TENM3: variants seen among roughly 807,000 people sequenced by gnomAD.
TENM3 encodes teneurin-3.
A neutral mutation model predicts 255.1 loss-of-function variants in TENM3; 63 were observed. That is an observed-to-expected ratio of 0.25 (90% CI 0.20 to 0.30). TENM3 has a LOEUF of 0.30. Ranked by LOEUF, TENM3 falls within the 10% of genes least tolerant of loss-of-function variation. The probability of loss-of-function intolerance (pLI) is 1.00; values close to 1 mark genes in which losing one functional copy is unlikely to be tolerated. For synonymous variants in TENM3, 1,306 were observed against 1,322.3 expected (o/e 0.99, Z 0.27); for missense variants, 2,929 against 3,461.1 (o/e 0.85, Z 3.86).
chr4:182,262,696 G>A (rs1160582118), intron 1 of TENM3, among the ~76,000 whole-genome samples: 1 of 151,204 alleles, frequency 6.6e-6, no homozygotes, highest in African/African-American at 2.4e-5. Context: ...CCATGGAGTA[G>A]CCATTCTTTT....
At chr4:181,605,239 A>G in the TENM3 span, among the ~76,000 whole-genome samples, 1 of 151,806 alleles carries the variant, frequency 6.6e-6, no homozygotes, top group East Asian at 2.0e-4. Context: ...AGGTTAGGAG[A>G]TAGTGACCAT....
intron 1 of TENM3, among the ~76,000 whole-genome samples, chr4:182,274,647 G>A (rs1487235256): frequency 2.0e-5 from 3 of 152,102 alleles, no homozygotes; most frequent in Non-Finnish European, 4.4e-5. Flanking sequence ...GTAAATAAGT[G>A]CAGATACGTA....
intron 1 of TENM3, among the ~76,000 whole-genome samples, chr4:182,244,717 T>TA (rs1204023033): frequency 6.6e-6 from 1 of 152,216 alleles, no homozygotes; most frequent in Non-Finnish European, 1.5e-5. Context: ...TCATGATGTG[T>TA]AACATATGGA....
the TENM3 span, among the ~76,000 whole-genome samples, chr4:182,094,697 A>T: frequency 1.3e-5 from 2 of 152,240 alleles, no homozygotes; most frequent in South Asian, 2.1e-4. Context: ...CACTAGAAAG[A>T]TGTGTCCTCG....
chr4:182,288,060 C>T (rs1281702593), intron 1 of TENM3, among the ~76,000 whole-genome samples: 1 of 152,126 alleles, frequency 6.6e-6, no homozygotes, highest in African/African-American at 2.4e-5. Flanking sequence ...GCCTCAGCCT[C>T]CTGAGTAGCT....
intron 7 of TENM3, among the ~76,000 whole-genome samples, chr4:182,678,559 C>A (rs1463375988): frequency 6.6e-6 from 1 of 152,166 alleles, no homozygotes; most frequent in Non-Finnish European, 1.5e-5. Context: ...GGAGGAATGA[C>A]CCCACTTGGA....
chr4:182,150,950 A>G (rs1356340351), intron 1 of TENM3, among the ~76,000 whole-genome samples: 1 of 152,108 alleles, frequency 6.6e-6, no homozygotes, highest in Non-Finnish European at 1.5e-5. Flanking sequence ...TCCCCCAAAC[A>G]GAAAAGCTAC....
At chr4:182,262,869 A>T (rs567983025) in intron 1 of TENM3, among the ~76,000 whole-genome samples, 25 of 150,776 alleles carry the variant, frequency 1.7e-4, no homozygotes, top group Non-Finnish European at 3.0e-4. Flanking sequence ...ACCCACCACC[A>T]CGCCCGGCTA....
Position 182,793,017 on chromosome 4 carries a change from A to G in TENM3, c.6345A>G (p.Arg2115=), listed in dbSNP as rs1351592514. The G allele has an allele frequency of 1.9e-6, 3 of 1,613,952 alleles. No individual in the cohort carries two copies. The Admixed American group carries it at 5.0e-5, about 27-fold the overall frequency. ...QYDNMGRVTK[R]EIKIGPFANT... ...ATAACATGGGTCGGGTAACCAAGAGAGAGATTAAAATAGGGCCCTTTGCCA... is the reference window on the plus strand; with the variant it reads ...ATAACATGGGTCGGGTAACCAAGAGGGAGATTAAAATAGGGCCCTTTGCCA... The change falls in exon 26 of 28, where the codon AGA becomes AGG. Residue 2115 remains arginine (R), a synonymous_variant. Coordinates refer to ENST00000511685, the MANE Select transcript of TENM3 (RefSeq NM_001080477.4). The surrounding 1 kb of genome is among the most constrained non-coding windows in gnomAD (Gnocchi z 5.7).
the TENM3 span, among the ~76,000 whole-genome samples, chr4:181,605,488 A>C: frequency 0.012 from 97 of 8,130 alleles, 3 homozygotes; most frequent in African/African-American, 0.029. Flanking sequence ...CAGAGAAAGA[A>C]AGAAAGAAAG....
chr4:181,816,966 G>C, the TENM3 span, among the ~76,000 whole-genome samples: 1 of 152,134 alleles, frequency 6.6e-6, no homozygotes, highest in Admixed American at 6.6e-5. Context: ...TCATTTTATA[G>C]ATAAGTAAAC....
intron 22 of TENM3, among the ~76,000 whole-genome samples, chr4:182,756,307 C>G (rs1199079044): frequency 1.3e-5 from 2 of 152,134 alleles, no homozygotes; most frequent in East Asian, 3.9e-4. Context: ...GCTCATTCAG[C>G]CAGGGTGTTC....
the TENM3 span, among the ~76,000 whole-genome samples, chr4:181,979,605 C>T: frequency 6.6e-6 from 1 of 152,106 alleles, no homozygotes; most frequent in Non-Finnish European, 1.5e-5. Context: ...GGTGTGGGTT[C>T]AGGAGGGACC....
the TENM3 span, among the ~76,000 whole-genome samples, chr4:181,463,410 T>G: frequency 6.6e-6 from 1 of 152,204 alleles, no homozygotes; most frequent in Non-Finnish European, 1.5e-5. Flanking sequence ...GTATTTCCTA[T>G]TCCATCATAT....
intron 3 of TENM3, among the ~76,000 whole-genome samples, chr4:182,378,296 C>T (rs767003553): frequency 3.3e-5 from 5 of 152,230 alleles, no homozygotes; most frequent in Admixed American, 6.5e-5. Flanking sequence ...ACCAAACAGA[C>T]AGGTTCCCTG....
At chr4:182,079,993 G>A in the TENM3 span, 1 of 152,170 alleles carries the variant, frequency 6.6e-6, no homozygotes, top group Non-Finnish European at 1.5e-5. Flanking sequence ...GCCAATTATT[G>A]TACCCCTTTA....
Position 182,731,101 on chromosome 4 carries a change from T to C in TENM3, c.2929T>C (p.Ser977Pro), listed in dbSNP as rs377029829. The C allele has an allele frequency of 1.2e-4, 189 of 1,613,906 alleles. No homozygotes were observed. The highest frequency in any genetic ancestry group is 1.5e-4 in the Non-Finnish European group (181 of 1,179,862). ...ATCACCTTTATCCACCTTTTTCAGATCTTCTCCTGAAGACAGTCCCATCAT... is the reference window on the plus strand; with the variant it reads ...ATCACCTTTATCCACCTTTTTCAGACCTTCTCCTGAAGACAGTCCCATCAT... Reference protein sequence around the residue: ...VSSPLSTFFRSSPEDSPIIPE... With the variant: ...VSSPLSTFFRPSPEDSPIIPE... The change falls in exon 16 of 28, where the codon TCT becomes CCT. Residue 977 changes from serine to proline, a missense_variant. By Grantham distance (74) the Ser-to-Pro change is moderately conservative. Transcript: ENST00000511685.
At chr4:182,627,889 T>A (rs1289496666) in intron 4 of TENM3, among the ~76,000 whole-genome samples, 1 of 152,170 alleles carries the variant, frequency 6.6e-6, no homozygotes, top group African/African-American at 2.4e-5. Flanking sequence ...CTCTCTGTTG[T>A]ATGGCTCGGT....
chr4:182,124,596 T>C, the TENM3 span, among the ~76,000 whole-genome samples: 1 of 152,114 alleles, frequency 6.6e-6, no homozygotes, highest in Non-Finnish European at 1.5e-5. Flanking sequence ...TAAGAATCAG[T>C]GAAGGAGGCT....
Sources: allele counts gnomAD v4.1 joint callset (sites outside exome capture counted in the v4.1 genomes callset), GRCh38; gene constraint gnomAD v4.1.1; non-coding constraint Gnocchi (gnomAD v3.1); transcripts MANE v1.5; gene names NCBI Gene and HGNC (gene_info 2026-07-23, HGNC 2026-07-21).